Variants in SLC9A2 observed in about 807,000 individuals in gnomAD.
SLC9A2 encodes solute carrier family 9 member A2.
Under a neutral mutation model 71.7 loss-of-function variants are expected in SLC9A2, and 42 were observed. The observed-to-expected ratio is 0.59, with a 90% confidence interval of 0.46 to 0.76. The LOEUF (loss-of-function observed/expected upper bound fraction) is 0.76. Among genes scored for constraint, SLC9A2 ranks in the 30% least tolerant of loss-of-function variants. The probability of loss-of-function intolerance (pLI) is 0.00; values close to 1 mark genes in which losing one functional copy is unlikely to be tolerated. For synonymous variants in SLC9A2, 396 were observed against 392.5 expected (o/e 1.01, Z -0.10); for missense variants, 829 against 1,017.4 (o/e 0.81, Z 2.52).
At chr2:102,672,972 G>A (rs758961290) in intron 3 of SLC9A2, among the ~76,000 whole-genome samples, 1 of 151,704 alleles carries the variant, frequency 6.6e-6, no homozygotes, top group Admixed American at 6.6e-5. Flanking sequence ...CTATATTAAG[G>A]TCTATAGGTC....
chr2:102,638,644 C>T (rs1199916894), intron 1 of SLC9A2, among the ~76,000 whole-genome samples: 3 of 152,194 alleles, frequency 2.0e-5, no homozygotes, highest in Non-Finnish European at 4.4e-5. Flanking sequence ...TAAAGAGAGG[C>T]ACTTTCCACT....
chr2:102,701,144 C>T lies in SLC9A2; in HGVS notation c.1661C>T (p.Ser554Phe), dbSNP rs374840608. ...AACCAACCAAAGTCAAGTATTGTAT[C>T]TTTATATAAAAAGCTTGAAATAAAA... ...RENQPKSSIVSLYKKLEIKHA... is the reference protein window; with the variant it reads ...RENQPKSSIVFLYKKLEIKHA... The change falls in exon 8 of 12, where the codon TCT becomes TTT. Residue 554 changes from serine to phenylalanine, a missense_variant. Ser to Phe is a radical substitution (Grantham distance 155). Coordinates refer to ENST00000233969, the MANE Select transcript of SLC9A2 (RefSeq NM_003048.6). The T allele has an allele frequency of 1.7e-5, 28 of 1,611,286 alleles. No individual in the cohort carries two copies. The highest frequency in any genetic ancestry group is 2.3e-5 in the Non-Finnish European group (27 of 1,178,580).
intron 1 of SLC9A2, among the ~76,000 whole-genome samples, chr2:102,642,234 C>T (rs116680252): frequency 6.6e-6 from 1 of 152,248 alleles, no homozygotes; most frequent in African/African-American, 2.4e-5. Context: ...TCTCCAGCAC[C>T]TCCTTGGAGT....
intron 1 of SLC9A2, among the ~76,000 whole-genome samples, chr2:102,623,712 C>A (rs923091335): frequency 6.6e-6 from 1 of 152,118 alleles, no homozygotes; most frequent in Admixed American, 6.5e-5. Flanking sequence ...CTGCAAAATG[C>A]CATGGTTTCT....
chr2:102,699,469 A>G (rs1677832479), intron 7 of SLC9A2, among the ~76,000 whole-genome samples: 1 of 152,212 alleles, frequency 6.6e-6, no homozygotes, highest in Non-Finnish European at 1.5e-5. Flanking sequence ...TAACGGGAGC[A>G]CTTGGGCTTC....
intron 1 of SLC9A2, among the ~76,000 whole-genome samples, chr2:102,641,669 G>A (rs184074044): frequency 1.8e-3 from 279 of 152,044 alleles, no homozygotes; most frequent in African/African-American, 6.5e-3. Context: ...TCACCTGCTC[G>A]ACATCCTTCT....
intron 1 of SLC9A2, among the ~76,000 whole-genome samples, chr2:102,656,988 T>C (rs1333981700): frequency 6.6e-6 from 1 of 152,154 alleles, no homozygotes; most frequent in East Asian, 1.9e-4. Flanking sequence ...GCGGATCACC[T>C]GAGGTCAGAA....
At chr2:102,707,312 T>A (rs1170641429) in intron 11 of SLC9A2, among the ~76,000 whole-genome samples, 1 of 151,576 alleles carries the variant, frequency 6.6e-6, no homozygotes, top group Non-Finnish European at 1.5e-5. Flanking sequence ...TATTTTTTTT[T>A]TTTTGCTTGT....
At chr2:102,672,939 C>A (rs1269650018) in intron 3 of SLC9A2, among the ~76,000 whole-genome samples, 1 of 152,078 alleles carries the variant, frequency 6.6e-6, no homozygotes, top group Non-Finnish European at 1.5e-5. Context: ...ACTCTGCAGA[C>A]TGACTGAAGA....
intron 5 of SLC9A2, among the ~76,000 whole-genome samples, chr2:102,685,732 G>C (rs978032589): frequency 6.6e-6 from 1 of 152,088 alleles, no homozygotes; most frequent in Non-Finnish European, 1.5e-5. Flanking sequence ...TGGCAGAGGT[G>C]GGGGTGGGGA....
At chr2:102,691,500 A>G (rs1677661330) in intron 5 of SLC9A2, among the ~76,000 whole-genome samples, 1 of 152,182 alleles carries the variant, frequency 6.6e-6, no homozygotes, top group Non-Finnish European at 1.5e-5. Context: ...TGGCATACAC[A>G]GATGTCATAT....
intron 5 of SLC9A2, among the ~76,000 whole-genome samples, chr2:102,685,973 AC>A (rs566600609): frequency 1.8e-3 from 280 of 152,338 alleles, no homozygotes; most frequent in African/African-American, 6.3e-3. Context: ...GGGCGGCCCC[AC>A]CTTAAGATAT....
At position 102,619,937 on chromosome 2, in the gene SLC9A2, G is replaced by A. The variant is rs1254622969; in HGVS notation, c.89G>A (p.Gly30Asp). The change falls in exon 1 of 12, where the codon GGC (glycine) becomes GAC (aspartate). Residue 30 changes from glycine to aspartate, a missense_variant. Around this residue, in one of 3 missense-constraint regions of SLC9A2, gnomAD observed 106 missense variants for 93.5 expected, o/e 1.13. Transcript: ENST00000233969. The surrounding 1 kb of genome is among the most constrained non-coding windows in gnomAD (Gnocchi z 4.3). ...LLLLQVAGPVGALAETLLNAP... is the reference protein window; with the variant it reads ...LLLLQVAGPVDALAETLLNAP... The stretch of plus-strand genomic sequence containing the variant: ...CTCCTGCAGGTGGCGGGGCCCGTGG[G>A]CGCCCTGGCGGAGACCTTGCTGAAC... 6.2e-7 allele frequency: 1 copy of A among 1,607,136 alleles called. No homozygotes were observed. Among genetic ancestry groups the A allele is most frequent in the Non-Finnish European group, 8.5e-7 (1 of 1,176,338 alleles).
chr2:102,667,182 G>A (rs898691974), intron 3 of SLC9A2, among the ~76,000 whole-genome samples: 1 of 152,160 alleles, frequency 6.6e-6, no homozygotes, highest in Middle Eastern at 3.2e-3. Flanking sequence ...AATGTTCCAT[G>A]TCTTTCTGGT....
Position 102,637,756 on chromosome 2 carries a change from T to C in SLC9A2, c.289+17619T>C, listed in dbSNP as rs374538630. 1.4e-4 allele frequency among the ~76,000 whole-genome samples: 22 copies of C among 152,336 alleles called. No homozygotes were observed. In the South Asian group the frequency reaches 3.3e-3, roughly 23 times the overall value. ...CCCTGGCCCGTGAGGAGATGGTCCC[T>C]CACTCATCTGCTTAAAGGATGGGAA... On this transcript the variant is annotated intron_variant, in intron 1 of 11. Coordinates refer to ENST00000233969, the MANE Select transcript of SLC9A2 (RefSeq NM_003048.6).
intron 1 of SLC9A2, among the ~76,000 whole-genome samples, chr2:102,643,625 C>T (rs1676654224): frequency 6.6e-6 from 1 of 152,194 alleles, no homozygotes; most frequent in African/African-American, 2.4e-5. Context: ...ATTTCTTCTG[C>T]TATCTTTCAG....
intron 1 of SLC9A2, among the ~76,000 whole-genome samples, chr2:102,655,543 A>G (rs1676923145): frequency 1.3e-5 from 2 of 152,182 alleles, no homozygotes; most frequent in African/African-American, 4.8e-5. Context: ...AAACATACAC[A>G]TCGGCCTAAG....
chr2:102,693,300 A>C (rs1677698623), intron 5 of SLC9A2, among the ~76,000 whole-genome samples: 1 of 152,174 alleles, frequency 6.6e-6, no homozygotes, highest in Admixed American at 6.5e-5. Flanking sequence ...TTCAGTACTT[A>C]TACATCTAGC....
At chr2:102,662,162 A>G (rs1257307986) in intron 2 of SLC9A2, among the ~76,000 whole-genome samples, 2 of 152,246 alleles carry the variant, frequency 1.3e-5, no homozygotes, top group Non-Finnish European at 2.9e-5. Context: ...CAATGTGCTG[A>G]GAGTACAGTG....
Sources: allele counts gnomAD v4.1 joint callset (sites outside exome capture counted in the v4.1 genomes callset), GRCh38; gene constraint gnomAD v4.1.1; regional missense constraint gnomAD v4.1.1; non-coding constraint Gnocchi (gnomAD v3.1); transcripts MANE v1.5; gene names NCBI Gene and HGNC (gene_info 2026-07-23, HGNC 2026-07-21).